NPHP4: variants seen among roughly 807,000 people sequenced by gnomAD.
The protein encoded by NPHP4 is nephrocystin 4, also known as nephrocystin-4.
In NPHP4, 151 loss-of-function variants were observed where a neutral mutation model predicts 155.8. The ratio of observed to expected loss-of-function variants is 0.97; its 90% confidence interval spans 0.85 to 1.11. The LOEUF is 1.11. Ranked by LOEUF, NPHP4 falls within the 50% of genes least tolerant of loss-of-function variation. The pLI, the probability that NPHP4 is intolerant of heterozygous loss-of-function variation, is 0.00. For missense variants in NPHP4, 1,956 were observed against 1,925.7 expected (o/e 1.02, Z -0.29); for synonymous variants, 845 against 816.8 (o/e 1.03, Z -0.59).
intron 9 of NPHP4, among the ~76,000 whole-genome samples, chr1:5,939,869 GGA>G (rs1424112115): frequency 6.6e-6 from 1 of 152,128 alleles, no homozygotes; most frequent in African/African-American, 2.4e-5. Context: ...CCACCAGCAG[GGA>G]AAAAAGTTAG....
At chr1:5,914,887 G>A (rs1025018158) in intron 11 of NPHP4, among the ~76,000 whole-genome samples, 3 of 152,154 alleles carry the variant, frequency 2.0e-5, no homozygotes, top group Non-Finnish European at 2.9e-5. Context: ...GTCCCCTGTG[G>A]CCCGACTGCC....
At chr1:5,906,839 T>C (rs2101165372) in intron 13 of NPHP4, among the ~76,000 whole-genome samples, 1 of 152,264 alleles carries the variant, frequency 6.6e-6, no homozygotes, top group South Asian at 2.1e-4. Context: ...GACCTAGGGG[T>C]AGCTTAACTT....
In NPHP4 at chr1:5,960,189, G is replaced by A. The variant is rs1479102019; in HGVS notation, c.673+1605C>T. Among the ~76,000 whole-genome samples the A allele has an allele frequency of 3.3e-5, 5 of 152,264 alleles. No homozygotes were observed. The South Asian group carries it at 6.2e-4, about 19-fold the overall frequency. ...CAGGGTAAGACACCCCGAAGTGGGC[G>A]TGGAGAGCACTTATAGCTCAGTGAG... On this transcript the variant is annotated intron_variant, in intron 6 of 29. Transcript: ENST00000378156.
intron 11 of NPHP4, among the ~76,000 whole-genome samples, chr1:5,921,794 T>G (rs1417086419): frequency 6.6e-6 from 1 of 152,256 alleles, no homozygotes; most frequent in African/African-American, 2.4e-5. Context: ...GTTTTGGTTT[T>G]TAGGCCATCT....
chr1:5,871,592 G>A (rs1642011837), intron 23 of NPHP4, among the ~76,000 whole-genome samples: 1 of 152,218 alleles, frequency 6.6e-6, no homozygotes, highest in Admixed American at 6.5e-5. Flanking sequence ...TTCCACCCTG[G>A]ATGGAACACG....
chr1:5,991,921 C>G (rs1330029005), intron 1 of NPHP4, among the ~76,000 whole-genome samples: 1 of 100,962 alleles, frequency 9.9e-6, no homozygotes, highest in African/African-American at 3.8e-5. Context: ...TGCAGAGAGG[C>G]CAGGGGGCAG....
intron 22 of NPHP4, 53 bp downstream of exon 22, chr1:5,874,418 T>C: frequency 6.9e-7 from 1 of 1,441,370 alleles, no homozygotes; most frequent in South Asian, 1.4e-5. Context: ...GCATTCTCAA[T>C]TTCCCACCGT....
intron 5 of NPHP4, among the ~76,000 whole-genome samples, chr1:5,964,084 A>G (rs573649939): frequency 6.6e-6 from 1 of 152,356 alleles, no homozygotes; most frequent in East Asian, 1.9e-4. Flanking sequence ...AGCTGTAAAA[A>G]GAGTGAGTGC....
At chr1:5,919,039 T>G (rs1419117784) in intron 11 of NPHP4, among the ~76,000 whole-genome samples, 1 of 152,234 alleles carries the variant, frequency 6.6e-6, no homozygotes, top group African/African-American at 2.4e-5. Flanking sequence ...TAACAATCTG[T>G]GCGTATCAAC....
chr1:5,888,257 A>G (rs760843731), intron 17 of NPHP4: 1 of 851,344 alleles, frequency 1.2e-6, no homozygotes, highest in Non-Finnish European at 1.4e-6. Context: ...CCGAACGCCA[A>G]CACTGTGAGG....
intron 11 of NPHP4, among the ~76,000 whole-genome samples, chr1:5,925,249 T>C (rs1645938290): frequency 6.6e-6 from 1 of 152,246 alleles, no homozygotes; most frequent in Admixed American, 6.5e-5. Context: ...TTTCTTGTCA[T>C]TATTCCCTAA....
intron 18 of NPHP4, among the ~76,000 whole-genome samples, chr1:5,885,917 C>T (rs1269552502): frequency 6.6e-6 from 1 of 152,206 alleles, no homozygotes; most frequent in Non-Finnish European, 1.5e-5. Flanking sequence ...TTGTGAAAAC[C>T]TCTCCCTCTC....
intron 25 of NPHP4, 139 bp from the exon 26 acceptor site, chr1:5,866,597 C>A (rs1216676792): frequency 1.6e-6 from 1 of 633,342 alleles, no homozygotes. Context: ...CTATACCAAT[C>A]GGAATTCACT....
chr1:5,882,452 C>A lies in NPHP4; in HGVS notation c.2486-2213G>T, dbSNP rs116233096. 0.02 allele frequency: 3,103 copies of A among 153,358 alleles called. 41 individuals carry two copies. The highest frequency in any genetic ancestry group is 0.027 in the South Asian group (135 of 5,082). The allele number at this position is 153,358 out of a possible 1,614,324, so 9.5% of individuals were successfully genotyped here. A position where few individuals can be genotyped will look rare whatever the true frequency, so the allele number is the denominator to read the frequency against. On this transcript the variant is annotated intron_variant, in intron 18 of 29. Transcript: ENST00000378156. The surrounding 1 kb of genome is among the most constrained non-coding windows in gnomAD (Gnocchi z 5.1). Reference sequence around the variant, plus strand: ...CAATGTCCCAGTAGCTGACACCCCCCGCCTCTTGTTCTTTCTCCTTGACCT... The same window carrying A: ...CAATGTCCCAGTAGCTGACACCCCCAGCCTCTTGTTCTTTCTCCTTGACCT...
At chr1:5,952,311 T>G (rs1297252085) in intron 7 of NPHP4, among the ~76,000 whole-genome samples, 2 of 152,184 alleles carry the variant, frequency 1.3e-5, no homozygotes, top group Admixed American at 1.3e-4. Context: ...GCTCATCTGG[T>G]GATTTAGTTT....
intron 10 of NPHP4, among the ~76,000 whole-genome samples, chr1:5,932,660 TAA>T (rs35273263): frequency 2.9e-5 from 4 of 136,794 alleles, no homozygotes; most frequent in Non-Finnish European, 3.2e-5. Flanking sequence ...ATTTCAGAAT[TAA>T]AAAAAAAAAA....
At chr1:5,866,881 G>T in intron 25 of NPHP4, 149 bp downstream of exon 25, 1 of 643,302 alleles carries the variant, frequency 1.6e-6, no homozygotes. Flanking sequence ...TCATAAGGAT[G>T]TCAAAATAGC....
intron 23 of NPHP4, among the ~76,000 whole-genome samples, chr1:5,869,526 T>TA (rs1276194664): frequency 2.6e-5 from 4 of 152,246 alleles, no homozygotes; most frequent in Non-Finnish European, 5.9e-5. Flanking sequence ...ATAGAAGTGT[T>TA]AATGTATTAA....
At chr1:5,879,502 A>G in intron 19 of NPHP4, 1 of 518,584 alleles carries the variant, frequency 1.9e-6, no homozygotes. Context: ...CTTGTTTTGA[A>G]AATCAGTCTA....
Sources: gnomAD v4.1 joint callset for allele counts (sites outside exome capture counted in the v4.1 genomes callset) on GRCh38, gnomAD v4.1.1 for gene constraint, Gnocchi (gnomAD v3.1) non-coding constraint, MANE v1.5 for transcripts, NCBI Gene and HGNC (gene_info 2026-07-23, HGNC 2026-07-21) for gene names.